VPS37B: variants seen among roughly 807,000 people sequenced by gnomAD.
The protein encoded by VPS37B is VPS37B subunit of ESCRT-I.
A neutral mutation model predicts 21.2 loss-of-function variants in VPS37B; 11 were observed. The observed-to-expected ratio is 0.52, with a 90% confidence interval of 0.33 to 0.86. The LOEUF (loss-of-function observed/expected upper bound fraction) is 0.86, where lower values mean the gene tolerates loss of function less well. VPS37B is among the 40% of genes least tolerant of loss of function. VPS37B has a pLI of 0.03. For missense variants in VPS37B, 389 were observed against 374.8 expected (o/e 1.04, Z -0.31); for synonymous variants, 175 against 159.6 (o/e 1.10, Z -0.73).
chr12:122,888,930 T>C (rs1041480422), intron 1 of VPS37B: 39 of 229,800 alleles, frequency 1.7e-4, no homozygotes, highest in African/African-American at 8.0e-4. Context: ...CCATCCCTCA[T>C]GCTCTGCCTA....
At chr12:122,872,650 T>C in intron 1 of VPS37B, 1 of 985,436 alleles carries the variant, frequency 1.0e-6, no homozygotes, top group Non-Finnish European at 1.2e-6. Flanking sequence ...CAGAAGCGTC[T>C]TTCCTTCCAT....
At position 122,869,521 on chromosome 12, in the gene VPS37B, C is replaced by T. The variant is rs74864407; in HGVS notation, c.284-959G>A. ...CGTCATTCTGGTTTGGGTGTATGAT[C>T]GTAAATTTTTACTGAAGTTAATGGA... On this transcript the variant is annotated intron_variant, in intron 2 of 3. Coordinates refer to ENST00000267202, the MANE Select transcript of VPS37B (RefSeq NM_024667.3). 5.6e-4 allele frequency among the ~76,000 whole-genome samples: 86 copies of T among 152,306 alleles called. 2 individuals are homozygous for T. In the East Asian group the frequency reaches 0.015, roughly 26 times the overall value.
intron 1 of VPS37B, chr12:122,888,940 A>C: frequency 4.9e-6 from 1 of 203,150 alleles, no homozygotes; most frequent in South Asian, 6.2e-5. Context: ...TGCTCTGCCT[A>C]ATCCGGCCTC....
At chr12:122,881,923 T>C (rs2034252758) in intron 1 of VPS37B, 1 of 152,230 alleles carries the variant, frequency 6.6e-6, no homozygotes, top group Non-Finnish European at 1.5e-5. Context: ...CCAATCTTCA[T>C]CTATATTCCC....
intron 1 of VPS37B, among the ~76,000 whole-genome samples, chr12:122,890,878 C>T (rs972755806): frequency 2.6e-5 from 4 of 152,166 alleles, no homozygotes; most frequent in Admixed American, 2.0e-4. Context: ...TTATGTCCTA[C>T]TTGTGTATCT....
chr12:122,870,589 G>A (rs1408240094), intron 2 of VPS37B: 2 of 222,178 alleles, frequency 9.0e-6, no homozygotes, highest in African/African-American at 4.6e-5. Context: ...TGAAAAACTA[G>A]CCTGCTTGGG....
At chr12:122,873,129 G>A (rs2034070610) in intron 1 of VPS37B, 2 of 152,250 alleles carry the variant, frequency 1.3e-5, no homozygotes, top group Admixed American at 1.3e-4. Flanking sequence ...AGGCCGACAT[G>A]ACGGATTTGC....
chr12:122,874,194 T>C (rs2034099566), intron 1 of VPS37B: 1 of 152,244 alleles, frequency 6.6e-6, no homozygotes, highest in African/African-American at 2.4e-5. Context: ...CAGCGCTCAA[T>C]GCAGCACCGA....
chr12:122,870,827 T>A, intron 2 of VPS37B, 63 bp downstream of exon 2: 1 of 1,526,196 alleles, frequency 6.6e-7, no homozygotes, highest in Non-Finnish European at 8.9e-7. Context: ...GGTAGGGCAA[T>A]AGCTTGAAAA....
intron 2 of VPS37B, among the ~76,000 whole-genome samples, chr12:122,869,525 A>C (rs2033980740): frequency 6.6e-6 from 1 of 152,210 alleles, no homozygotes; most frequent in African/African-American, 2.4e-5. Flanking sequence ...TATGATCGTA[A>C]ATTTTTACTG....
intron 1 of VPS37B, chr12:122,875,629 T>C (rs1392575358): frequency 6.6e-6 from 1 of 152,126 alleles, no homozygotes; most frequent in Non-Finnish European, 1.5e-5. Flanking sequence ...AACAGCTTTG[T>C]TCATTTGCAA....
At position 122,867,695 on chromosome 12, in the gene VPS37B, A is replaced by T; in HGVS notation, c.367-88T>A. The T allele has an allele frequency of 6.4e-7, 1 of 1,567,980 alleles. No individual in the cohort carries two copies. The highest frequency in any genetic ancestry group is 8.6e-7 in the Non-Finnish European group (1 of 1,156,778). ...CTAGGCACAAGGAGAGGCAACGCCC[A>T]GCTGCTTCCAACACTGCCCCCTCCC... On this transcript the variant is annotated intron_variant, in intron 3 of 3. Transcript: ENST00000267202. The surrounding 1 kb of genome is among the most constrained non-coding windows in gnomAD (Gnocchi z 5.5).
Position 122,867,246 on chromosome 12 carries a change from A to G in VPS37B, c.728T>C (p.Leu243Pro), listed in dbSNP as rs142818834. Reference protein sequence around the residue: ...VPYPGLQCPPLPPRVGLPTQQ... With the variant: ...VPYPGLQCPPPPPRVGLPTQQ... The stretch of plus-strand genomic sequence containing the variant: ...AGTGGGGAGGCCCACGCGGGGGGGC[A>G]GGGGCGGGCACTGTAATCCTGGGTA... Residue 243 changes from leucine (L) to proline (P), a missense_variant, in exon 4 of 4, where the codon CTG becomes CCG. Coordinates refer to ENST00000267202, the MANE Select transcript of VPS37B (RefSeq NM_024667.3). This position sits in a 1 kb window ranked among gnomAD's most constrained non-coding sequence, Gnocchi z 5.5. The G allele has an allele frequency of 1.4e-5, 21 of 1,491,856 alleles. No individual in the cohort carries two copies. In the African/African-American group the frequency reaches 2.9e-4, roughly 21 times the overall value. The allele number at this position is 1,491,856 out of a possible 1,614,324, so 92.4% of individuals were successfully genotyped here.
intron 1 of VPS37B, 89 bp from the exon 2 acceptor site, chr12:122,871,150 C>T (rs2034025939): frequency 1.3e-6 from 2 of 1,510,708 alleles, no homozygotes; most frequent in Admixed American, 2.2e-5. Flanking sequence ...GAGCCCAGTG[C>T]AGCTGCTGCC....
chr12:122,896,053 C>G lies in VPS37B; in HGVS notation c.10G>C (p.Ala4Pro). 6.3e-7 allele frequency: 1 copy of G among 1,580,654 alleles called. No homozygotes were observed. Among genetic ancestry groups the G allele is most frequent in the Non-Finnish European group, 8.6e-7 (1 of 1,169,482 alleles). The change falls in exon 1 of 4, where the codon GCC (alanine) becomes CCC (proline). Residue 4 changes from alanine to proline, a missense_variant. Physicochemically the swap from Ala to Pro is conservative, Grantham distance 27 (BLOSUM62 -1). Coordinates refer to ENST00000267202, the MANE Select transcript of VPS37B (RefSeq NM_024667.3). ...CCGGCGAACCGGGCTTCGCTCCCGGCGCCCGCCATCCCCACGTCTCGGCCG... is the reference window on the plus strand; with the variant it reads ...CCGGCGAACCGGGCTTCGCTCCCGGGGCCCGCCATCCCCACGTCTCGGCCG... MAG[A>P]GSEARFAGLS...
In VPS37B at chr12:122,867,658, T is replaced by G; in HGVS notation, c.367-51A>C. On this transcript the variant is annotated intron_variant, in intron 3 of 3. Coordinates refer to ENST00000267202, the MANE Select transcript of VPS37B (RefSeq NM_024667.3). The surrounding 1 kb of genome is among the most constrained non-coding windows in gnomAD (Gnocchi z 5.5). ...AGGGACAGCCAGATGGGGAGGATGC[T>G]CCCTTCGTGGTCTAGGCACAAGGAG... The G allele has an allele frequency of 1.2e-6, 2 of 1,601,930 alleles. No homozygotes were observed. Among genetic ancestry groups the G allele is most frequent in the Non-Finnish European group, 8.5e-7 (1 of 1,179,592 alleles).
chr12:122,883,228 T>C (rs558531956), intron 1 of VPS37B: 17 of 152,302 alleles, frequency 1.1e-4, no homozygotes, highest in Admixed American at 2.0e-4. Flanking sequence ...AAAATCCTTC[T>C]TGAGAGAAAA....
rs541766250 is a variant in VPS37B, at chr12:122,896,089, C to T, written c.-27G>A. 101 of 1,548,810 alleles carry T rather than the reference C, an allele frequency of 6.5e-5. No individual in the cohort carries two copies. The Admixed American group carries it at 1.9e-3, about 29-fold the overall frequency. On this transcript the variant is annotated 5_prime_UTR_variant, in exon 1 of 4. Coordinates refer to ENST00000267202, the MANE Select transcript of VPS37B (RefSeq NM_024667.3). ...CCCACGTCTCGGCCGTCGTCGCCAC[C>T]GCCGCTGCGGCCACCAGGCTCCGCC...
intron 2 of VPS37B, among the ~76,000 whole-genome samples, chr12:122,869,888 G>A (rs140409931): frequency 1.2e-4 from 18 of 152,296 alleles, no homozygotes; most frequent in Non-Finnish European, 1.2e-4. Flanking sequence ...GACCATAGGC[G>A]TGTGCCACCA....
Sources: gnomAD v4.1 joint callset for allele counts (sites outside exome capture counted in the v4.1 genomes callset) on GRCh38, gnomAD v4.1.1 for gene constraint, Gnocchi (gnomAD v3.1) non-coding constraint, MANE v1.5 for transcripts, NCBI Gene and HGNC (gene_info 2026-07-23, HGNC 2026-07-21) for gene names.